The following ZNF385B variants were observed in gnomAD, a reference collection of about 807,000 sequenced individuals.
ZNF385B encodes zinc finger protein 385B.
ZNF385B carries 23 observed loss-of-function variants against 39.2 expected under a neutral mutation model. That is an observed-to-expected ratio of 0.59 (90% CI 0.42 to 0.83). ZNF385B has a LOEUF of 0.83. ZNF385B is among the 40% of genes least tolerant of loss of function. ZNF385B has a pLI of 0.00. For missense variants in ZNF385B, 552 were observed against 598.9 expected, an observed-to-expected ratio of 0.92 and a Z score of 0.82; for synonymous variants, 205 against 222.6, an observed-to-expected ratio of 0.92 and a Z score of 0.70.
chr2:179,484,084 G>C (rs1028127821), intron 5 of ZNF385B, among the ~76,000 whole-genome samples: 12 of 152,084 alleles, frequency 7.9e-5, no homozygotes, highest in African/African-American at 2.9e-4. Flanking sequence ...TAAGTTGTTA[G>C]TGTTAAATTC....
chr2:179,505,325 T>C (rs2057159223), intron 5 of ZNF385B, among the ~76,000 whole-genome samples: 1 of 152,084 alleles, frequency 6.6e-6, no homozygotes, highest in African/African-American at 2.4e-5. Context: ...AAGGAGATTG[T>C]TAGTATTTTT....
chr2:179,503,708 A>G (rs1420660112), intron 5 of ZNF385B, among the ~76,000 whole-genome samples: 5 of 151,944 alleles, frequency 3.3e-5, no homozygotes, highest in Non-Finnish European at 4.4e-5. Flanking sequence ...ATTCCCACCT[A>G]TGAGTGAGAA....
chr2:179,598,279 T>C (rs1688151165), intron 3 of ZNF385B, among the ~76,000 whole-genome samples: 1 of 152,182 alleles, frequency 6.6e-6, no homozygotes. Flanking sequence ...GCCGTGTTTG[T>C]TTGTGGCGCT....
At chr2:179,746,530 A>G (rs1199126690) in intron 3 of ZNF385B, among the ~76,000 whole-genome samples, 1 of 152,214 alleles carries the variant, frequency 6.6e-6, no homozygotes, top group Non-Finnish European at 1.5e-5. Flanking sequence ...GCACCAGGAC[A>G]AAATACCATC....
intron 3 of ZNF385B, among the ~76,000 whole-genome samples, chr2:179,716,623 G>A (rs1700348019): frequency 6.6e-6 from 1 of 152,144 alleles, no homozygotes; most frequent in Non-Finnish European, 1.5e-5. Flanking sequence ...CTAAAAGGTA[G>A]TCTAATTCCT....
chr2:179,565,125 A>T (rs1326536860), intron 3 of ZNF385B, among the ~76,000 whole-genome samples: 2 of 152,210 alleles, frequency 1.3e-5, no homozygotes, highest in African/African-American at 2.4e-5. Context: ...TAGTCAAATG[A>T]ATTCTTAAGA....
intron 3 of ZNF385B, among the ~76,000 whole-genome samples, chr2:179,573,037 G>A (rs1405490258): frequency 6.6e-6 from 1 of 152,122 alleles, no homozygotes; most frequent in Admixed American, 6.5e-5. Flanking sequence ...TTGATTTTCA[G>A]ATATTTCAAA....
chr2:179,652,722 A>G (rs1693305228), intron 3 of ZNF385B, among the ~76,000 whole-genome samples: 1 of 152,094 alleles, frequency 6.6e-6, no homozygotes, highest in South Asian at 2.1e-4. Context: ...TATACTAACC[A>G]TAGTAGATGA....
intron 4 of ZNF385B, 100 bp from the exon 5 acceptor site, chr2:179,518,738 T>C: frequency 1.6e-6 from 1 of 639,202 alleles, no homozygotes; most frequent in South Asian, 3.1e-5. Context: ...AGTTTAAACT[T>C]TTAGTTCCTA....
intron 3 of ZNF385B, among the ~76,000 whole-genome samples, chr2:179,683,568 C>T (rs1013502144): frequency 9.2e-5 from 14 of 151,410 alleles, no homozygotes; most frequent in African/African-American, 2.9e-4. Context: ...ATCTGCCTCC[C>T]GGGTTCAAGT....
chr2:179,629,888 C>T (rs553401027), intron 3 of ZNF385B, among the ~76,000 whole-genome samples: 1 of 152,378 alleles, frequency 6.6e-6, no homozygotes, highest in East Asian at 1.9e-4. Flanking sequence ...CAGCGGGTCC[C>T]ACACCCATGG....
chr2:179,458,502 A>G (rs1376698216), intron 6 of ZNF385B, among the ~76,000 whole-genome samples: 1 of 152,226 alleles, frequency 6.6e-6, no homozygotes, highest in Non-Finnish European at 1.5e-5. Flanking sequence ...GTAGAGAACC[A>G]GATAAATAAG....
chr2:179,575,908 C>A (rs993294579), intron 3 of ZNF385B, among the ~76,000 whole-genome samples: 1 of 152,026 alleles, frequency 6.6e-6, no homozygotes, highest in African/African-American at 2.4e-5. Context: ...CATTAAAAAT[C>A]TATTAGAATT....
chr2:179,557,491 A>T (rs535012216), intron 3 of ZNF385B, among the ~76,000 whole-genome samples: 1 of 131,078 alleles, frequency 7.6e-6, no homozygotes, highest in South Asian at 2.5e-4. Context: ...TATATAAAAC[A>T]TATGTGTATA....
chr2:179,626,691 T>C (rs1291413081), intron 3 of ZNF385B, among the ~76,000 whole-genome samples: 1 of 152,136 alleles, frequency 6.6e-6, no homozygotes, highest in Non-Finnish European at 1.5e-5. Context: ...TAGAGACTAA[T>C]CAGTGATTAC....
intron 3 of ZNF385B, among the ~76,000 whole-genome samples, chr2:179,661,434 T>C (rs1466145136): frequency 4.6e-5 from 7 of 152,218 alleles, no homozygotes; most frequent in South Asian, 2.1e-4. Context: ...CAGCCTGTCA[T>C]AGACTTCTCA....
chr2:179,860,818 G>C (rs1343176792), intron 1 of ZNF385B: 2 of 463,290 alleles, frequency 4.3e-6, no homozygotes, highest in Non-Finnish European at 9.0e-6. Flanking sequence ...GCCTACCCTG[G>C]GGAACAGAGG....
At chr2:179,798,080 T>C (rs1183524088) in intron 1 of ZNF385B, among the ~76,000 whole-genome samples, 3 of 152,074 alleles carry the variant, frequency 2.0e-5, no homozygotes, top group African/African-American at 4.8e-5. Context: ...CGGAGGGATC[T>C]TTTTTTAAGT....
chr2:179,504,764 A>T (rs2057099737), intron 5 of ZNF385B, among the ~76,000 whole-genome samples: 1 of 151,950 alleles, frequency 6.6e-6, no homozygotes, highest in Non-Finnish European at 1.5e-5. Flanking sequence ...CATATGTAAC[A>T]AACCCGCACG....
Sources: allele counts gnomAD v4.1 joint callset (sites outside exome capture counted in the v4.1 genomes callset), GRCh38; gene constraint gnomAD v4.1.1; transcripts MANE v1.5; gene names NCBI Gene and HGNC (gene_info 2026-07-23, HGNC 2026-07-21).